AIRE: variants seen among roughly 807,000 people sequenced by gnomAD.
The protein encoded by AIRE is autoimmune polyendocrinopathy candidiasis ectodermal dystrophy protein.
In AIRE, 52 loss-of-function variants were observed where a neutral mutation model predicts 62.1. That is an observed-to-expected ratio of 0.84 (90% CI 0.67 to 1.06). The LOEUF (loss-of-function observed/expected upper bound fraction) is 1.06. Ranked by LOEUF, AIRE falls within the 50% of genes least tolerant of loss-of-function variation. AIRE has a pLI of 0.00. For synonymous variants in AIRE, 342 were observed against 321.6 expected, an observed-to-expected ratio of 1.06 and a Z score of -0.68; for missense variants, 774 against 755.8, an observed-to-expected ratio of 1.02 and a Z score of -0.28.
At chr21:44,289,162 C>T (rs992337344) in intron 5 of AIRE, 4 of 171,614 alleles carry the variant, frequency 2.3e-5, no homozygotes, top group African/African-American at 4.8e-5. Context: ...ATGCCAACAT[C>T]GAGGTGTCTC....
chr21:44,293,309 G>A, intron 10 of AIRE, 134 bp downstream of exon 10: 3 of 889,236 alleles, frequency 3.4e-6, no homozygotes, highest in East Asian at 5.4e-5. Flanking sequence ...CTGGGGCTGT[G>A]GGGGGAGCGT....
In AIRE at chr21:44,289,698, A is replaced by C. The variant is rs1448795841; in HGVS notation, c.694A>C (p.Thr232Pro). 1 of 1,612,460 alleles carries C rather than the reference A, an allele frequency of 6.2e-7. No homozygotes were observed. Among genetic ancestry groups the C allele is most frequent in the African/African-American group, 1.3e-5 (1 of 74,830 alleles). Residue 232 changes from threonine to proline, a missense_variant, in exon 6 of 14, where the codon ACT (threonine) becomes CCT (proline). Thr to Pro is a conservative substitution (Grantham distance 38). Coordinates refer to ENST00000291582, the MANE Select transcript of AIRE (RefSeq NM_000383.4). Reference protein sequence around the residue: ...KCIQVGGEFYTPSKFEDSGSG... With the variant: ...KCIQVGGEFYPPSKFEDSGSG... ...CATCCAGGTTGGCGGGGAGTTCTACACTCCCAGCAAGTTCGAAGACTCCGG... is the reference window on the plus strand; with the variant it reads ...CATCCAGGTTGGCGGGGAGTTCTACCCTCCCAGCAAGTTCGAAGACTCCGG...
In AIRE at chr21:44,297,223, G is replaced by A. The variant is rs930686535; in HGVS notation, c.1567-433G>A. 1.3e-5 allele frequency among the ~76,000 whole-genome samples: 2 copies of A among 152,196 alleles called. No homozygotes were observed. Among genetic ancestry groups the A allele is most frequent in the South Asian group, 2.1e-4 (1 of 4,834 alleles). ...GGGCTCACAGCCTCTCCCGGGTGGC[G>A]GTCTTATTCTGCTGGCATCGTGGGG... On this transcript the variant is annotated intron_variant, in intron 13 of 13. Coordinates refer to ENST00000291582, the MANE Select transcript of AIRE (RefSeq NM_000383.4). The surrounding 1 kb of genome is among the most constrained non-coding windows in gnomAD (Gnocchi z 4.8).
At chr21:44,290,630 C>T in intron 7 of AIRE, 1 of 1,049,174 alleles carries the variant, frequency 9.5e-7, no homozygotes, top group Non-Finnish European at 1.3e-6. Flanking sequence ...CCAGCCTAGC[C>T]TGGCTGTCTG....
At chr21:44,288,744 C>T (rs2040505993) in intron 5 of AIRE, 2 of 412,208 alleles carry the variant, frequency 4.9e-6, no homozygotes, top group African/African-American at 2.0e-5. Context: ...CCCTCCTGGG[C>T]CATGGGGTTG....
chr21:44,296,776 C>T (rs944405767), intron 13 of AIRE, among the ~76,000 whole-genome samples: 8 of 150,688 alleles, frequency 5.3e-5, no homozygotes, highest in Non-Finnish European at 1.0e-4. Flanking sequence ...GGCAGAGGCT[C>T]GAGCACCAGG....
intron 8 of AIRE, 83 bp from the exon 9 acceptor site, chr21:44,292,219 C>G: frequency 9.1e-7 from 1 of 1,103,958 alleles, no homozygotes; most frequent in East Asian, 2.6e-5. Flanking sequence ...ATGGTCGGAG[C>G]CCTGGAGCTC....
rs55861465 is a variant in AIRE at position 44,289,884 on chromosome 21, C to G, written c.798+82C>G. The G allele has an allele frequency of 5.3e-3, 8,516 of 1,607,010 alleles. 33 individuals are homozygous for G. The highest frequency in any genetic ancestry group is 6.5e-3 in the Non-Finnish European group (7,631 of 1,177,138). On this transcript the variant is annotated intron_variant, in intron 6 of 13. Coordinates refer to ENST00000291582, the MANE Select transcript of AIRE (RefSeq NM_000383.4). ...CAGCGTTGCCTCTGGGGGAGTGGCT[C>G]TGCTGGGGGCTGGGGGCTGCTGCCG...
intron 13 of AIRE, 92 bp downstream of exon 13, chr21:44,296,537 GGC>G: frequency 8.2e-7 from 1 of 1,212,164 alleles, no homozygotes; most frequent in Non-Finnish European, 1.2e-6. Context: ...GAGGACTGCC[GGC>G]CCCCACTGCT....
chr21:44,293,324 G>C, intron 10 of AIRE, 149 bp downstream of exon 10: 1 of 704,672 alleles, frequency 1.4e-6, no homozygotes, highest in Non-Finnish European at 2.3e-6. Flanking sequence ...GAGCGTGGGG[G>C]GCTGCGGGGG....
In AIRE at chr21:44,296,242, C is replaced by T; in HGVS notation, c.1504-141C>T. The T allele has an allele frequency of 3.6e-6, 3 of 843,654 alleles. No individual in the cohort carries two copies. The South Asian group carries it at 4.0e-5, about 11-fold the overall frequency. The allele number at this position is 843,654 out of a possible 1,614,324, so 52.3% of individuals were successfully genotyped here. A position where few individuals can be genotyped will look rare whatever the true frequency, so the allele number is the denominator to read the frequency against. On this transcript the variant is annotated intron_variant, in intron 12 of 13. Transcript: ENST00000291582. ...CATCATGCCCACGCAGCCCTGTGCCCCCACCCCCAGTGGAGCTGGGTGTAA... is the reference window on the plus strand; with the variant it reads ...CATCATGCCCACGCAGCCCTGTGCCTCCACCCCCAGTGGAGCTGGGTGTAA...
rs1263215856 is a variant in AIRE at position 44,287,204 on chromosome 21, CT to C, written c.463+72del. On this transcript the variant is annotated intron_variant, in intron 3 of 13. Coordinates refer to ENST00000291582, the MANE Select transcript of AIRE (RefSeq NM_000383.4). This position sits in a 1 kb window ranked among gnomAD's most constrained non-coding sequence, Gnocchi z 4.3. ...GGGCTTCCCCGGGAGCCCACGCCCC[CT>C]CCCCACCCGGGCTCCCACCCACTGG... 1 of 1,580,058 alleles carries C rather than the reference CT, an allele frequency of 6.3e-7. No individual in the cohort carries two copies. Among genetic ancestry groups the C allele is most frequent in the Non-Finnish European group, 8.6e-7 (1 of 1,162,380 alleles).
Position 44,297,740 on chromosome 21 carries a change from G to A in AIRE, c.*13G>A, listed in dbSNP as rs368801958. The A allele has an allele frequency of 2.8e-5, 45 of 1,604,136 alleles. No individual in the cohort carries two copies. Among genetic ancestry groups the A allele is most frequent in the Admixed American group, 5.0e-5 (3 of 59,990 alleles). Reference sequence around the variant, plus strand: ...CTTCCCCTCCTGACCCCAGATGGCCGGGACATGCAGCTCTGATGAGAGAGT... The same window carrying A: ...CTTCCCCTCCTGACCCCAGATGGCCAGGACATGCAGCTCTGATGAGAGAGT... On this transcript the variant is annotated 3_prime_UTR_variant, in exon 14 of 14. Coordinates refer to ENST00000291582, the MANE Select transcript of AIRE (RefSeq NM_000383.4). This position sits in a 1 kb window ranked among gnomAD's most constrained non-coding sequence, Gnocchi z 4.8.
At chr21:44,289,464 G>A (rs1437131959) in intron 5 of AIRE, 193 bp from the exon 6 acceptor site, 22 of 666,162 alleles carry the variant, frequency 3.3e-5, no homozygotes, top group African/African-American at 1.3e-4. Context: ...TTCGGGGGAC[G>A]CTGTTGAACA....
In AIRE at chr21:44,287,282, C is replaced by G; in HGVS notation, c.463+149C>G. ...TGGGGGTCTCCTCTGGGTACTAGAC[C>G]CACACACTGGACCAGCCTCTCAGCT... On this transcript the variant is annotated intron_variant, in intron 3 of 13. Coordinates refer to ENST00000291582, the MANE Select transcript of AIRE (RefSeq NM_000383.4). This position sits in a 1 kb window ranked among gnomAD's most constrained non-coding sequence, Gnocchi z 4.3. 1.0e-6 allele frequency: 1 copy of G among 955,752 alleles called. No individual in the cohort carries two copies. Among genetic ancestry groups the G allele is most frequent in the Non-Finnish European group, 1.6e-6 (1 of 640,960 alleles). The allele number at this position is 955,752 out of a possible 1,614,324, so 59.2% of individuals were successfully genotyped here.
rs1382432783 is a variant in AIRE at position 44,293,142 on chromosome 21, C to A, written c.1245C>A (p.His415Gln). The stretch of plus-strand genomic sequence containing the variant: ...CAGGGCTGGACTCCTCGGCCCTGCA[C>A]CCCCTACTGTGTGTGGGTCCTGAGG... ...PLPGLDSSAL[H>Q]PLLCVGPEGQ... Residue 415 changes from histidine (H) to glutamine (Q), a missense_variant, in exon 10 of 14, where the codon CAC becomes CAA. Transcript: ENST00000291582. The A allele has an allele frequency of 6.3e-7, 1 of 1,582,802 alleles. No homozygotes were observed. The highest frequency in any genetic ancestry group is 1.3e-5 in the African/African-American group (1 of 74,538).
chr21:44,286,982 G>C lies in AIRE; in HGVS notation c.312G>C (p.Val104=), dbSNP rs752433552. The C allele has an allele frequency of 6.2e-7, 1 of 1,612,640 alleles. No homozygotes were observed. The highest frequency in any genetic ancestry group is 8.5e-7 in the Non-Finnish European group (1 of 1,179,954). ...GCTCCTGCCCCTGAGCTGCAGATGT[G>C]GACCTCAGCCAGCCCCGGAAGGGGA... ...QPILDSFPKD[V]DLSQPRKGRK... The change falls in exon 3 of 14, where the codon GTG becomes GTC. Residue 104 remains valine, a synonymous_variant. Transcript: ENST00000291582. The surrounding 1 kb of genome is among the most constrained non-coding windows in gnomAD (Gnocchi z 6.0).
intron 5 of AIRE, 69 bp downstream of exon 5, chr21:44,288,527 C>T: frequency 1.7e-6 from 2 of 1,172,930 alleles, no homozygotes; most frequent in Non-Finnish European, 1.3e-6. Flanking sequence ...GAGGACCACG[C>T]CCCTTTGCAT....
intron 5 of AIRE, 161 bp downstream of exon 5, chr21:44,288,619 G>A (rs1039119580): frequency 1.6e-6 from 1 of 616,540 alleles, no homozygotes. Flanking sequence ...TGGAGGAGGA[G>A]GGTGAGCACT....
Sources: gnomAD v4.1 joint callset for allele counts (sites outside exome capture counted in the v4.1 genomes callset) on GRCh38, gnomAD v4.1.1 for gene constraint, Gnocchi (gnomAD v3.1) non-coding constraint, MANE v1.5 for transcripts, NCBI Gene and HGNC (gene_info 2026-07-23, HGNC 2026-07-21) for gene names.